The following ASAP1 variants were observed in gnomAD, a reference collection of about 807,000 sequenced individuals.
ASAP1 encodes arf-GAP with SH3 domain, ANK repeat and PH domain-containing protein 1.
ASAP1 carries 43 observed loss-of-function variants against 145.2 expected under a neutral mutation model. The observed-to-expected ratio is 0.30, with a 90% CI of 0.23 to 0.38. The LOEUF is 0.38. Ranked by LOEUF, ASAP1 falls within the 10% of genes least tolerant of loss-of-function variation. ASAP1 has a pLI of 1.00. For missense variants in ASAP1, 1,018 were observed against 1,355.3 expected (o/e 0.75, Z 3.91); for synonymous variants, 546 against 515.5 (o/e 1.06, Z -0.80).
At chr8:130,442,227 A>G (rs1830509682) in intron 1 of ASAP1, among the ~76,000 whole-genome samples, 3 of 152,182 alleles carry the variant, frequency 2.0e-5, no homozygotes, top group South Asian at 4.1e-4. Flanking sequence ...AATCTGTTTC[A>G]TGGCTAACAG....
intron 3 of ASAP1, among the ~76,000 whole-genome samples, chr8:130,323,708 A>G (rs1192983157): frequency 1.3e-5 from 2 of 152,144 alleles, no homozygotes; most frequent in African/African-American, 2.4e-5. Context: ...CAAAGAATTT[A>G]TCATACTATA....
chr8:130,351,971 G>T (rs1324313908), intron 3 of ASAP1, among the ~76,000 whole-genome samples: 1 of 152,170 alleles, frequency 6.6e-6, no homozygotes, highest in Non-Finnish European at 1.5e-5. Context: ...TCTACAGACA[G>T]ATATATTCAC....
At chr8:130,179,418 G>T in intron 8 of ASAP1, 69 bp from the exon 9 acceptor site, 1 of 925,080 alleles carries the variant, frequency 1.1e-6, no homozygotes, top group Non-Finnish European at 1.8e-6. Context: ...GGGTTCAGGT[G>T]GCTGAACATC....
intron 2 of ASAP1, among the ~76,000 whole-genome samples, chr8:130,366,913 CAG>C (rs1826983308): frequency 1.2e-5 from 1 of 82,532 alleles, no homozygotes; most frequent in African/African-American, 4.8e-5. Context: ...TTTTTTGAGA[CAG>C]AGTCTTTCTC....
At chr8:130,298,453 C>G (rs1822421274) in intron 3 of ASAP1, among the ~76,000 whole-genome samples, 1 of 152,180 alleles carries the variant, frequency 6.6e-6, no homozygotes, top group African/African-American at 2.4e-5. Flanking sequence ...CGAGGCCAGG[C>G]CACCAATAGC....
intron 13 of ASAP1, among the ~76,000 whole-genome samples, chr8:130,146,946 C>T (rs929858282): frequency 6.6e-6 from 1 of 152,078 alleles, no homozygotes; most frequent in Non-Finnish European, 1.5e-5. Context: ...ATTCCAACGG[C>T]CAGGTGTGGC....
chr8:130,406,431 A>ATT (rs1226665635), intron 1 of ASAP1, among the ~76,000 whole-genome samples: 1 of 151,714 alleles, frequency 6.6e-6, no homozygotes, highest in African/African-American at 2.4e-5. Flanking sequence ...TAGAATCCAG[A>ATT]TTATGAATCT....
chr8:130,108,417 G>A lies in ASAP1; in HGVS notation c.2401+3677C>T, dbSNP rs143383120. Among the ~76,000 whole-genome samples the A allele has an allele frequency of 1.3e-3, 205 of 152,284 alleles. 1 individual carries two copies. Among genetic ancestry groups the A allele is most frequent in the African/African-American group, 4.9e-3 (202 of 41,550 alleles). Reference sequence around the variant, plus strand: ...ATGTTAAAGAAGGTTCTTGAGATTGGAATTATCATTCTTTTACTTAACACA... The same window carrying A: ...ATGTTAAAGAAGGTTCTTGAGATTGAAATTATCATTCTTTTACTTAACACA... On this transcript the variant is annotated intron_variant, in intron 24 of 29. Transcript: ENST00000518721.
intron 1 of ASAP1, among the ~76,000 whole-genome samples, chr8:130,440,166 A>T (rs1469785501): frequency 6.6e-6 from 1 of 152,026 alleles, no homozygotes; most frequent in Non-Finnish European, 1.5e-5. Flanking sequence ...CTAAGCCACC[A>T]TCCTCTTTCC....
intron 3 of ASAP1, among the ~76,000 whole-genome samples, chr8:130,307,804 C>T (rs1382519395): frequency 6.6e-6 from 1 of 152,128 alleles, no homozygotes; most frequent in African/African-American, 2.4e-5. Flanking sequence ...AAGGAGTAAC[C>T]GGTGATGGCG....
chr8:130,327,346 C>T (rs906689870), intron 3 of ASAP1, among the ~76,000 whole-genome samples: 1 of 152,178 alleles, frequency 6.6e-6, no homozygotes, highest in African/African-American at 2.4e-5. Context: ...CCCTGAACAG[C>T]TCCAACTGGA....
chr8:130,217,283 T>C (rs184784402), intron 4 of ASAP1, among the ~76,000 whole-genome samples: 1 of 152,242 alleles, frequency 6.6e-6, no homozygotes, highest in East Asian at 1.9e-4. Flanking sequence ...AATAAATAGA[T>C]ATTTATCAAA....
chr8:130,209,603 A>C (rs1470204607), intron 5 of ASAP1, among the ~76,000 whole-genome samples: 1 of 152,204 alleles, frequency 6.6e-6, no homozygotes, highest in Non-Finnish European at 1.5e-5. Context: ...ATAATGAAAA[A>C]GTAAAAATGG....
chr8:130,335,416 G>A (rs527906217), intron 3 of ASAP1, among the ~76,000 whole-genome samples: 1 of 152,162 alleles, frequency 6.6e-6, no homozygotes, highest in Non-Finnish European at 1.5e-5. Context: ...GACAAATAGT[G>A]AGCAACATAG....
intron 3 of ASAP1, among the ~76,000 whole-genome samples, chr8:130,261,332 T>C (rs1326113487): frequency 6.6e-6 from 1 of 152,242 alleles, no homozygotes; most frequent in African/African-American, 2.4e-5. Flanking sequence ...TAAGCCTCCA[T>C]CATGGAATCT....
chr8:130,128,478 G>C (rs1586384730), intron 15 of ASAP1, among the ~76,000 whole-genome samples: 1 of 152,164 alleles, frequency 6.6e-6, no homozygotes, highest in Non-Finnish European at 1.5e-5. Flanking sequence ...GGATGAGAAA[G>C]AAATGATGAG....
chr8:130,428,609 T>C (rs1830026942), intron 1 of ASAP1, among the ~76,000 whole-genome samples: 1 of 140,706 alleles, frequency 7.1e-6, no homozygotes, highest in Non-Finnish European at 1.5e-5. Context: ...ACTATCACCA[T>C]CATCATCACC....
At chr8:130,158,673 G>C (rs2136004161) in intron 12 of ASAP1, among the ~76,000 whole-genome samples, 1 of 152,270 alleles carries the variant, frequency 6.6e-6, no homozygotes, top group East Asian at 1.9e-4. Context: ...GGAAGGCAGG[G>C]TTGAGATGCT....
chr8:130,144,396 T>C lies in ASAP1; in HGVS notation c.1081-7358A>G, dbSNP rs548379015. Among the ~76,000 whole-genome samples the C allele has an allele frequency of 3.9e-5, 6 of 152,286 alleles. 1 individual carries two copies. Among genetic ancestry groups the C allele is most frequent in the Middle Eastern group, 3.4e-3 (1 of 294 alleles). ...GAGTTAGGTACTGTTCCCAAACCCA[T>C]TTCATAAATGAGGTAACCAAGGATC... On this transcript the variant is annotated intron_variant, in intron 13 of 29. Coordinates refer to ENST00000518721, the MANE Select transcript of ASAP1 (RefSeq NM_018482.4).
Sources: gnomAD v4.1 joint callset for allele counts (sites outside exome capture counted in the v4.1 genomes callset) on GRCh38, gnomAD v4.1.1 for gene constraint, MANE v1.5 for transcripts, NCBI Gene and HGNC (gene_info 2026-07-23, HGNC 2026-07-21) for gene names.